ITM2B: variants seen among roughly 807,000 people sequenced by gnomAD.
ITM2B encodes ABri/ADan amyloid peptide.
ITM2B carries 11 observed loss-of-function variants against 27.8 expected under a neutral mutation model. The observed-to-expected ratio is 0.40, with a 90% CI of 0.25 to 0.66. The LOEUF (loss-of-function observed/expected upper bound fraction) is 0.66, where lower values mean the gene tolerates loss of function less well. ITM2B is among the 30% of genes least tolerant of loss of function. The pLI, the probability that ITM2B is intolerant of heterozygous loss-of-function variation, is 0.43. For synonymous variants in ITM2B, 114 were observed against 114.3 expected (o/e 1.00, Z 0.02); for missense variants, 296 against 328.9 (o/e 0.90, Z 0.77).
chr13:48,261,120 T>G lies in ITM2B; in HGVS notation c.716-19T>G. On this transcript the variant is annotated intron_variant, in intron 5 of 5. Coordinates refer to ENST00000647800, the MANE Select transcript of ITM2B (RefSeq NM_021999.5). ...TTAAAGAATCAAAATTTTAAAAAAC[T>G]TTTTTCCCTCTCCAACAGGTATTCA... is the stretch of plus-strand genomic sequence containing the variant. The G allele has an allele frequency of 3.2e-6, 5 of 1,583,164 alleles. No homozygotes were observed. The highest frequency in any genetic ancestry group is 4.3e-6 in the Non-Finnish European group (5 of 1,155,668).
At chr13:48,241,931 G>A (rs1951701770) in intron 1 of ITM2B, among the ~76,000 whole-genome samples, 2 of 152,174 alleles carry the variant, frequency 1.3e-5, no homozygotes, top group East Asian at 1.9e-4. Flanking sequence ...CCCCTGAACG[G>A]GTGTGTTCCT....
rs555736231 is a variant in ITM2B, at chr13:48,238,801, ATTAACT to A, written c.117+5329_117+5334del. Among the ~76,000 whole-genome samples, 519 of 152,282 alleles carry A rather than the reference ATTAACT, an allele frequency of 3.4e-3. 3 individuals carry two copies. The highest frequency in any genetic ancestry group is 0.014 in the Middle Eastern group (4 of 294). ...GTGGATTTTTGTGTTTATTTGAATG[ATTAACT>A]TTAAGGCTCAAATTATTATTTTTTT... On this transcript the variant is annotated intron_variant, in intron 1 of 5. Transcript: ENST00000647800.
At chr13:48,239,753 C>T (rs534019425) in intron 1 of ITM2B, among the ~76,000 whole-genome samples, 1 of 152,282 alleles carries the variant, frequency 6.6e-6, no homozygotes, top group African/African-American at 2.4e-5. Flanking sequence ...ACAATTTTAG[C>T]CCAAAACACT....
intron 1 of ITM2B, among the ~76,000 whole-genome samples, chr13:48,235,686 T>C (rs1951664247): frequency 6.6e-6 from 1 of 152,234 alleles, no homozygotes; most frequent in South Asian, 2.1e-4. Context: ...GCAGCCACCT[T>C]GTCTGACTGC....
At chr13:48,243,857 A>C (rs985317422) in intron 1 of ITM2B, among the ~76,000 whole-genome samples, 2 of 152,054 alleles carry the variant, frequency 1.3e-5, no homozygotes, top group South Asian at 4.1e-4. Flanking sequence ...ATATATATTT[A>C]ATAAAAAAAA....
rs78806600 is a variant in ITM2B at position 48,234,290 on chromosome 13, G to A, written c.117+813G>A. Among the ~76,000 whole-genome samples the A allele has an allele frequency of 8.4e-3, 1,270 of 151,950 alleles. 10 individuals are homozygous for A. Among genetic ancestry groups the A allele is most frequent in the Non-Finnish European group, 0.014 (964 of 67,968 alleles). On this transcript the variant is annotated intron_variant, in intron 1 of 5. Coordinates refer to ENST00000647800, the MANE Select transcript of ITM2B (RefSeq NM_021999.5). ...TAATCCTAGGAAAATTCATGAAGTG[G>A]GGCTGTTACTGTGTTGACTTTTAGT...
chr13:48,236,220 C>G (rs1179484857), intron 1 of ITM2B, among the ~76,000 whole-genome samples: 1 of 152,172 alleles, frequency 6.6e-6, no homozygotes, highest in Admixed American at 6.6e-5. Flanking sequence ...GCTATAGAGA[C>G]AGCAAAGATG....
chr13:48,233,325 C>T lies in ITM2B; in HGVS notation c.-36C>T. The T allele has an allele frequency of 7.9e-6, 11 of 1,392,260 alleles. No individual in the cohort carries two copies. Among genetic ancestry groups the T allele is most frequent in the Non-Finnish European group, 9.8e-6 (10 of 1,022,582 alleles). The allele number at this position is 1,392,260 out of a possible 1,614,324, so 86.2% of individuals were successfully genotyped here. On this transcript the variant is annotated 5_prime_UTR_variant, in exon 1 of 6. Transcript: ENST00000647800. ...GGAGCCCGCAGCCCGCGCCCCGAGC[C>T]CGCCGCCGCCCTTCGAGGGCGCCCC...
At position 48,266,577 on chromosome 13, in the gene ITM2B, A is replaced by T. The variant is rs1340974143; in HGVS notation, c.*5353A>T. ...ATCTGGTAACTATAGCTAGAAAAAA[A>T]GGAAATACGGTATCTACTTCACTAA... On this transcript the variant is annotated 3_prime_UTR_variant, in exon 6 of 6. Coordinates refer to ENST00000647800, the MANE Select transcript of ITM2B (RefSeq NM_021999.5). 6.6e-6 allele frequency: 1 copy of T among 152,198 alleles called. No homozygotes were observed. Among genetic ancestry groups the T allele is most frequent in the Non-Finnish European group, 1.5e-5 (1 of 68,042 alleles). The allele number at this position is 152,198 out of a possible 1,614,324, so 9.4% of individuals were successfully genotyped here. A position where few individuals can be genotyped will look rare whatever the true frequency, so the allele number is the denominator to read the frequency against.
chr13:48,256,878 A>G (rs1951792573), intron 3 of ITM2B, among the ~76,000 whole-genome samples: 2 of 152,236 alleles, frequency 1.3e-5, no homozygotes, highest in Admixed American at 1.3e-4. Context: ...ATAAGTACTT[A>G]TGCTATTATC....
At position 48,253,924 on chromosome 13, in the gene ITM2B, T is replaced by C. The variant is rs1489164145; in HGVS notation, c.234T>C (p.Tyr78=). 3.1e-6 allele frequency: 5 copies of C among 1,613,980 alleles called. No homozygotes were observed. Among genetic ancestry groups the C allele is most frequent in the Non-Finnish European group, 4.2e-6 (5 of 1,179,914 alleles). The change falls in exon 2 of 6, where the codon TAT becomes TAC. Residue 78 remains tyrosine (Y), a synonymous_variant. Transcript: ENST00000647800. The part of the protein sequence containing the change: ...VILGGAYLYK[Y]FALQPDDVYY... ...TAGGAGGAGCATACTTGTACAAATA[T>C]TTTGCACTTCAAGTAAGTGGAAAAA...
At chr13:48,252,788 G>C (rs1951762635) in intron 1 of ITM2B, among the ~76,000 whole-genome samples, 1 of 152,198 alleles carries the variant, frequency 6.6e-6, no homozygotes, top group African/African-American at 2.4e-5. Flanking sequence ...GTACTTCAAA[G>C]AGGCTGTTCA....
chr13:48,241,587 A>G (rs1347020700), intron 1 of ITM2B, among the ~76,000 whole-genome samples: 2 of 152,186 alleles, frequency 1.3e-5, no homozygotes, highest in Admixed American at 6.5e-5. Context: ...ACTCCTTTAT[A>G]GTCTTAAAAA....
Position 48,262,026 on chromosome 13 carries a change from A to T in ITM2B, c.*802A>T, listed in dbSNP as rs1376551395. The T allele has an allele frequency of 6.6e-6, 1 of 152,290 alleles. No homozygotes were observed. The highest frequency in any genetic ancestry group is 1.5e-5 in the Non-Finnish European group (1 of 67,992). 9.4% of individuals were successfully genotyped at this position (152,290 alleles called of 1,614,324 possible). A position where few individuals can be genotyped will look rare whatever the true frequency, so the allele number is the denominator to read the frequency against. ...TCACAGATTTTTTCTTTAAATAAAA[A>T]TAAGTCATTTTAATAACTAAACCAG... On this transcript the variant is annotated 3_prime_UTR_variant, in exon 6 of 6. Transcript: ENST00000647800.
At position 48,264,668 on chromosome 13, in the gene ITM2B, C is replaced by T. The variant is rs1951842414; in HGVS notation, c.*3444C>T. On this transcript the variant is annotated 3_prime_UTR_variant, in exon 6 of 6. Coordinates refer to ENST00000647800, the MANE Select transcript of ITM2B (RefSeq NM_021999.5). The stretch of plus-strand genomic sequence containing the variant: ...TGGGACTTAGGTTCCTAGATAAGGA[C>T]TTCATGTGTATCTATTTAGAAAAAG... The T allele has an allele frequency of 6.6e-6, 1 of 152,154 alleles. No individual in the cohort carries two copies. The highest frequency in any genetic ancestry group is 2.4e-5 in the African/African-American group (1 of 41,436). 9.4% of individuals were successfully genotyped at this position (152,154 alleles called of 1,614,324 possible).
In ITM2B at chr13:48,262,077, A is replaced by G. The variant is rs1323150078; in HGVS notation, c.*853A>G. On this transcript the variant is annotated 3_prime_UTR_variant, in exon 6 of 6. Transcript: ENST00000647800. The stretch of plus-strand genomic sequence containing the variant: ...ATTCTTTGTGGATACTATTAAAGTA[A>G]CATTTAAGCCTCAACCTTGAATGAT... The G allele has an allele frequency of 3.3e-5, 5 of 152,174 alleles. No homozygotes were observed. The highest frequency in any genetic ancestry group is 7.4e-5 in the Non-Finnish European group (5 of 68,014). The allele number at this position is 152,174 out of a possible 1,614,324, so 9.4% of individuals were successfully genotyped here.
At chr13:48,261,024 T>G in intron 5 of ITM2B, 115 bp from the exon 6 acceptor site, 1 of 718,532 alleles carries the variant, frequency 1.4e-6, no homozygotes, top group Non-Finnish European at 2.4e-6. Context: ...GTAGAAGTTT[T>G]TGTGGAATAT....
chr13:48,248,910 C>T (rs1054768347), intron 1 of ITM2B, among the ~76,000 whole-genome samples: 1 of 152,154 alleles, frequency 6.6e-6, no homozygotes, highest in Non-Finnish European at 1.5e-5. Context: ...TCCCAAGTTC[C>T]CTTTGTTACA....
At position 48,256,270 on chromosome 13, in the gene ITM2B, A is replaced by G. The variant is rs541331841; in HGVS notation, c.340A>G (p.Thr114Ala). Reference protein sequence around the residue: ...SADAPAALYQTIEENIKIFEE... With the variant: ...SADAPAALYQAIEENIKIFEE... ...AGATGCCCCAGCTGCTCTCTACCAG[A>G]CAATTGAAGAAAATATTAAAATCTT... Residue 114 changes from threonine (T) to alanine (A), a missense_variant, in exon 3 of 6, where the codon ACA becomes GCA. Thr to Ala is a moderately conservative substitution (Grantham distance 58). Coordinates refer to ENST00000647800, the MANE Select transcript of ITM2B (RefSeq NM_021999.5). 9 of 1,613,758 alleles carry G rather than the reference A, an allele frequency of 5.6e-6. No individual in the cohort carries two copies. In the South Asian group the frequency reaches 7.7e-5, roughly 14 times the overall value.
Sources: allele counts gnomAD v4.1 joint callset (sites outside exome capture counted in the v4.1 genomes callset), GRCh38; gene constraint gnomAD v4.1.1; transcripts MANE v1.5; gene names NCBI Gene and HGNC (gene_info 2026-07-23, HGNC 2026-07-21).